Variants in DGKB observed in about 807,000 individuals in gnomAD.
DGKB encodes the protein 90 kDa diacylglycerol kinase.
Under a neutral mutation model 114.3 loss-of-function variants are expected in DGKB, and 67 were observed. That is an observed-to-expected ratio of 0.59 (90% CI 0.48 to 0.72). The LOEUF is 0.72. Ranked by LOEUF, DGKB falls within the 30% of genes least tolerant of loss-of-function variation. The pLI is 0.00. For synonymous variants in DGKB, 398 were observed against 323.1 expected (o/e 1.23, Z -2.49); for missense variants, 907 against 975.2 (o/e 0.93, Z 0.93).
At chr7:14,968,566 A>G (rs932130995) in intron 1 of DGKB, among the ~76,000 whole-genome samples, 1 of 152,106 alleles carries the variant, frequency 6.6e-6, no homozygotes, top group African/African-American at 2.4e-5. Flanking sequence ...TAATTTACCT[A>G]ATAACCAAAT....
intron 1 of DGKB, among the ~76,000 whole-genome samples, chr7:14,971,856 G>C (rs1299185523): frequency 6.6e-6 from 1 of 151,296 alleles, no homozygotes; most frequent in Admixed American, 6.6e-5. Context: ...TCAGCCTCCG[G>C]GGTTCAAGTG....
At chr7:14,396,716 G>T (rs1181565887) in intron 21 of DGKB, among the ~76,000 whole-genome samples, 1 of 152,026 alleles carries the variant, frequency 6.6e-6, no homozygotes, top group East Asian at 1.9e-4. Context: ...AAGTGCTCTG[G>T]ACACATTTCA....
chr7:14,316,336 A>C (rs1005658894), intron 23 of DGKB, among the ~76,000 whole-genome samples: 1 of 139,172 alleles, frequency 7.2e-6, no homozygotes, highest in African/African-American at 2.8e-5. Context: ...AAAATTAATG[A>C]ATCCAGGAGC....
chr7:14,372,185 T>C (rs1817768482), intron 21 of DGKB, among the ~76,000 whole-genome samples: 1 of 152,188 alleles, frequency 6.6e-6, no homozygotes, highest in East Asian at 1.9e-4. Flanking sequence ...GGAGACTCTC[T>C]GTCCCTCTCA....
At chr7:14,911,566 G>A (rs1173783703) in intron 1 of DGKB, among the ~76,000 whole-genome samples, 1 of 152,124 alleles carries the variant, frequency 6.6e-6, no homozygotes. Flanking sequence ...AACTACTCAA[G>A]TGTAAATTGA....
At chr7:14,582,616 T>C (rs1439380023) in intron 18 of DGKB, among the ~76,000 whole-genome samples, 1 of 151,694 alleles carries the variant, frequency 6.6e-6, no homozygotes, top group African/African-American at 2.4e-5. Flanking sequence ...AAATTAGCTA[T>C]GATGATGATG....
intron 13 of DGKB, among the ~76,000 whole-genome samples, chr7:14,633,309 G>A: frequency 6.6e-6 from 1 of 151,874 alleles, no homozygotes; most frequent in East Asian, 1.9e-4. Context: ...GCTGGAGCTA[G>A]AAGTTTTAAA....
At chr7:14,347,591 A>G (rs187213151) in intron 21 of DGKB, among the ~76,000 whole-genome samples, 2 of 152,168 alleles carry the variant, frequency 1.3e-5, no homozygotes, top group Non-Finnish European at 2.9e-5. Context: ...AGCAAAGAGT[A>G]CAACTGTGGT....
intron 2 of DGKB, among the ~76,000 whole-genome samples, chr7:14,764,961 T>G (rs1295934863): frequency 6.6e-6 from 1 of 151,920 alleles, no homozygotes; most frequent in Non-Finnish European, 1.5e-5. Flanking sequence ...GACTATAGAA[T>G]AAGAGATTTA....
chr7:14,767,091 A>G (rs1019881974), intron 2 of DGKB, among the ~76,000 whole-genome samples: 3 of 151,674 alleles, frequency 2.0e-5, no homozygotes, highest in African/African-American at 7.3e-5. Flanking sequence ...AGAAGGAAAG[A>G]ATTTGGGCAG....
intron 1 of DGKB, among the ~76,000 whole-genome samples, chr7:14,968,985 A>G (rs1030413935): frequency 6.6e-6 from 1 of 152,178 alleles, no homozygotes; most frequent in South Asian, 2.1e-4. Context: ...TGCAGAATTC[A>G]TCTTACTGGT....
chr7:14,866,300 T>C (rs180851331), intron 1 of DGKB, among the ~76,000 whole-genome samples: 23 of 152,248 alleles, frequency 1.5e-4, no homozygotes, highest in African/African-American at 5.5e-4. Flanking sequence ...CATTAGGATC[T>C]CTCTTGCGCA....
At chr7:14,706,334 C>A (rs1372384736) in intron 6 of DGKB, among the ~76,000 whole-genome samples, 1 of 141,766 alleles carries the variant, frequency 7.1e-6, no homozygotes, top group Non-Finnish European at 1.5e-5. Flanking sequence ...GAGTGACCTA[C>A]AAAGAGACTT....
intron 23 of DGKB, among the ~76,000 whole-genome samples, chr7:14,190,194 C>G (rs1394107360): frequency 1.3e-5 from 2 of 152,138 alleles, no homozygotes; most frequent in African/African-American, 4.8e-5. Flanking sequence ...GATCAGCTAT[C>G]TTTTCGGGCC....
At chr7:14,793,801 G>T (rs960230837) in intron 2 of DGKB, among the ~76,000 whole-genome samples, 2 of 152,072 alleles carry the variant, frequency 1.3e-5, no homozygotes, top group Non-Finnish European at 2.9e-5. Flanking sequence ...GGGTGTCTCT[G>T]TGGGGGAGTT....
intron 2 of DGKB, among the ~76,000 whole-genome samples, chr7:14,840,699 A>AACACACAC (rs57577998): frequency 3.2e-4 from 42 of 130,290 alleles, no homozygotes; most frequent in African/African-American, 8.3e-4. Flanking sequence ...ACTCTCTTTT[A>AACACACAC]ACACACACAC....
chr7:14,647,140 C>T (rs1405468286), intron 13 of DGKB, among the ~76,000 whole-genome samples: 1 of 151,946 alleles, frequency 6.6e-6, no homozygotes, highest in Non-Finnish European at 1.5e-5. Flanking sequence ...ACAACTGATA[C>T]CACATAAATA....
chr7:14,479,694 A>G (rs1782706380), intron 20 of DGKB, among the ~76,000 whole-genome samples: 1 of 152,112 alleles, frequency 6.6e-6, no homozygotes, highest in South Asian at 2.1e-4. Context: ...TAAGTCATAA[A>G]CATATTATAC....
chr7:14,315,792 A>G (rs1806361618), intron 23 of DGKB, among the ~76,000 whole-genome samples: 1 of 151,604 alleles, frequency 6.6e-6, no homozygotes, highest in African/African-American at 2.4e-5. Flanking sequence ...CCTAATAGAC[A>G]TCTACAGAAG....
Sources: gnomAD v4.1 joint callset for allele counts (sites outside exome capture counted in the v4.1 genomes callset) on GRCh38, gnomAD v4.1.1 for gene constraint, MANE v1.5 for transcripts, NCBI Gene and HGNC (gene_info 2026-07-23, HGNC 2026-07-21) for gene names.